Variants in CPNE8 observed in about 807,000 individuals in gnomAD.
The protein encoded by CPNE8 is copine-8.
Under a neutral mutation model 81.5 loss-of-function variants are expected in CPNE8, and 45 were observed. The ratio of observed to expected loss-of-function variants is 0.55; its 90% CI spans 0.44 to 0.71. The LOEUF (loss-of-function observed/expected upper bound fraction) is 0.71, where lower values mean the gene tolerates loss of function less well. CPNE8 is among the 30% of genes least tolerant of loss of function. The pLI is 0.00. For synonymous variants in CPNE8, 252 were observed against 226.3 expected, an observed-to-expected ratio of 1.11 and a Z score of -1.02; for missense variants, 594 against 672.1, an observed-to-expected ratio of 0.88 and a Z score of 1.28.
At chr12:38,818,779 T>C (rs1408816487) in intron 6 of CPNE8, among the ~76,000 whole-genome samples, 1 of 152,210 alleles carries the variant, frequency 6.6e-6, no homozygotes, top group African/African-American at 2.4e-5. Flanking sequence ...TTTCTCCACA[T>C]TCTCTCCAAC....
upstream of CPNE8, chr12:38,906,137 C>T: frequency 1.0e-6 from 1 of 985,894 alleles, no homozygotes. Flanking sequence ...ACAATTGGTT[C>T]TCACCTCGCC....
In CPNE8 at chr12:38,832,083, G is replaced by A. The variant is rs185662813; in HGVS notation, c.331-2628C>T. Among the ~76,000 whole-genome samples, 9 of 152,264 alleles carry A rather than the reference G, an allele frequency of 5.9e-5. No homozygotes were observed. The East Asian group carries it at 1.5e-3, about 26-fold the overall frequency. On this transcript the variant is annotated intron_variant, in intron 5 of 19. Coordinates refer to ENST00000331366, the MANE Select transcript of CPNE8 (RefSeq NM_153634.3). ...AACAAAACGTGCACCAAAAAGCTAT[G>A]ACGTGAATCTGTGTATTTCTGTATC...
intron 19 of CPNE8, among the ~76,000 whole-genome samples, chr12:38,660,877 T>G (rs1591994586): frequency 1.3e-5 from 2 of 152,186 alleles, no homozygotes; most frequent in East Asian, 3.9e-4. Flanking sequence ...TCACTGGTCA[T>G]CAGAGAAATG....
chr12:38,691,875 C>T (rs957347860), intron 15 of CPNE8, among the ~76,000 whole-genome samples: 1 of 152,160 alleles, frequency 6.6e-6, no homozygotes, highest in African/African-American at 2.4e-5. Context: ...GTGGAGCCCT[C>T]GCAGACTAAC....
chr12:38,808,433 G>C (rs1942866582), intron 6 of CPNE8, among the ~76,000 whole-genome samples: 1 of 151,982 alleles, frequency 6.6e-6, no homozygotes, highest in East Asian at 1.9e-4. Context: ...CATAAAAAAT[G>C]ATGAGTTCAT....
chr12:38,886,766 C>T (rs932350405), intron 1 of CPNE8, among the ~76,000 whole-genome samples: 4 of 152,020 alleles, frequency 2.6e-5, no homozygotes, highest in Non-Finnish European at 2.9e-5. Flanking sequence ...ATACTGTCGG[C>T]CCAGCCAGGG....
intron 19 of CPNE8, among the ~76,000 whole-genome samples, chr12:38,661,378 T>C (rs1938949276): frequency 6.6e-6 from 1 of 152,246 alleles, no homozygotes; most frequent in South Asian, 2.1e-4. Context: ...AAACACTGCA[T>C]ATTCTCACTC....
At chr12:38,670,833 T>G (rs370924421) in intron 18 of CPNE8, 31 bp from the exon 19 acceptor site, 16 of 1,512,436 alleles carry the variant, frequency 1.1e-5, no homozygotes, top group Non-Finnish European at 1.5e-5. Context: ...ATTTATTCAG[T>G]ACATTTTAGC....
chr12:38,830,041 G>C (rs1434339676), intron 5 of CPNE8, among the ~76,000 whole-genome samples: 1 of 152,132 alleles, frequency 6.6e-6, no homozygotes, highest in African/African-American at 2.4e-5. Context: ...ATTAGTTATT[G>C]CATGAGTTAA....
intron 3 of CPNE8, among the ~76,000 whole-genome samples, chr12:38,851,605 C>T (rs1344094850): frequency 6.6e-6 from 1 of 152,182 alleles, no homozygotes; most frequent in Non-Finnish European, 1.5e-5. Flanking sequence ...TCAAGCTTTT[C>T]TTCCCTCTTA....
chr12:38,823,634 C>T (rs1371556988), intron 6 of CPNE8, among the ~76,000 whole-genome samples: 2 of 152,156 alleles, frequency 1.3e-5, no homozygotes, highest in African/African-American at 2.4e-5. Context: ...CAGTGCCTGC[C>T]TTTTTCCCTG....
intron 5 of CPNE8, among the ~76,000 whole-genome samples, chr12:38,830,761 T>A (rs924157183): frequency 6.6e-6 from 1 of 152,158 alleles, no homozygotes; most frequent in Admixed American, 6.5e-5. Context: ...AGCCAACCTA[T>A]GGTGAGGAAC....
chr12:38,771,685 A>G (rs1286531260), intron 7 of CPNE8, among the ~76,000 whole-genome samples: 7 of 152,236 alleles, frequency 4.6e-5, no homozygotes, highest in African/African-American at 1.7e-4. Context: ...TAGAGTATCC[A>G]TCTAAAGGAA....
At chr12:38,688,408 T>C (rs1939583539) in intron 15 of CPNE8, among the ~76,000 whole-genome samples, 1 of 152,316 alleles carries the variant, frequency 6.6e-6, no homozygotes, top group African/African-American at 2.4e-5. Context: ...CTGGATTATA[T>C]CAGGATTATT....
intron 10 of CPNE8, among the ~76,000 whole-genome samples, chr12:38,744,688 C>T (rs776286327): frequency 1.3e-5 from 2 of 151,158 alleles, no homozygotes; most frequent in East Asian, 1.9e-4. Flanking sequence ...AGGCAAACTT[C>T]GGCAAGAAGC....
intron 6 of CPNE8, among the ~76,000 whole-genome samples, chr12:38,792,164 A>C (rs752663252): frequency 6.6e-6 from 1 of 151,380 alleles, no homozygotes; most frequent in Non-Finnish European, 1.5e-5. Flanking sequence ...CTAACTTTAT[A>C]CCTCAAAGAA....
intron 10 of CPNE8, among the ~76,000 whole-genome samples, chr12:38,744,897 C>G (rs368037774): frequency 6.6e-6 from 1 of 152,208 alleles, no homozygotes; most frequent in Admixed American, 6.5e-5. Flanking sequence ...TTCCTACCAA[C>G]CTAATATAGG....
chr12:38,870,765 C>T (rs1943980216), intron 3 of CPNE8, among the ~76,000 whole-genome samples: 1 of 151,186 alleles, frequency 6.6e-6, no homozygotes, highest in African/African-American at 2.4e-5. Flanking sequence ...ACATTCTGCA[C>T]ATGTACCCCT....
At chr12:38,657,658 C>T (rs1938851786) in intron 19 of CPNE8, among the ~76,000 whole-genome samples, 1 of 152,066 alleles carries the variant, frequency 6.6e-6, no homozygotes, top group Admixed American at 6.5e-5. Flanking sequence ...GCTGGGTGCC[C>T]CTCTGGGACG....
Sources: gnomAD v4.1 joint callset for allele counts (sites outside exome capture counted in the v4.1 genomes callset) on GRCh38, gnomAD v4.1.1 for gene constraint, MANE v1.5 for transcripts, NCBI Gene and HGNC (gene_info 2026-07-23, HGNC 2026-07-21) for gene names.